Variants in ZHX2 observed in about 807,000 individuals in gnomAD.
ZHX2 encodes the protein zinc fingers and homeoboxes protein 2.
In ZHX2, 6 loss-of-function variants were observed where a neutral mutation model predicts 21.9. The observed-to-expected ratio is 0.27, with a 90% CI of 0.15 to 0.54. ZHX2 has a LOEUF of 0.54. Among genes scored for constraint, ZHX2 ranks in the 20% least tolerant of loss-of-function variants. ZHX2 has a pLI of 0.95. For synonymous variants in ZHX2, 434 were observed against 437.1 expected, an observed-to-expected ratio of 0.99 and a Z score of 0.09; for missense variants, 908 against 1,090.7, an observed-to-expected ratio of 0.83 and a Z score of 2.36.
intron 1 of ZHX2, among the ~76,000 whole-genome samples, chr8:122,824,263 T>G (rs913655584): frequency 6.6e-6 from 1 of 152,170 alleles, no homozygotes; most frequent in African/African-American, 2.4e-5. Flanking sequence ...TACTTATAAG[T>G]TCACCTGTGC....
chr8:122,899,099 G>A (rs771199985), intron 2 of ZHX2, among the ~76,000 whole-genome samples: 1 of 152,130 alleles, frequency 6.6e-6, no homozygotes, highest in Non-Finnish European at 1.5e-5. Flanking sequence ...ATCCCTCCTG[G>A]CCCAAGGCAC....
intron 2 of ZHX2, among the ~76,000 whole-genome samples, chr8:122,884,402 A>G (rs1280119740): frequency 6.6e-6 from 1 of 152,198 alleles, no homozygotes; most frequent in East Asian, 1.9e-4. Context: ...GTCACATTGG[A>G]ACAGATTTTT....
intron 1 of ZHX2, among the ~76,000 whole-genome samples, chr8:122,803,016 C>G (rs1586578495): frequency 7.1e-6 from 1 of 140,982 alleles, no homozygotes; most frequent in Admixed American, 7.2e-5. Context: ...CACGAGATGT[C>G]TTTGGAAATA....
chr8:122,844,366 G>T (rs1234986129), intron 1 of ZHX2, among the ~76,000 whole-genome samples: 1 of 152,238 alleles, frequency 6.6e-6, no homozygotes, highest in Non-Finnish European at 1.5e-5. Context: ...CTAGTCCAGG[G>T]TCCACTTATT....
At chr8:122,951,236 C>G (rs1319113929) in intron 2 of ZHX2, 56 bp from the exon 3 acceptor site, 3 of 386,782 alleles carry the variant, frequency 7.8e-6, no homozygotes, top group Non-Finnish European at 1.4e-5. Context: ...TAAAGAAGTG[C>G]CAGTTTCTTT....
intron 2 of ZHX2, among the ~76,000 whole-genome samples, chr8:122,931,668 C>G (rs768269975): frequency 2.2e-4 from 34 of 152,140 alleles, no homozygotes; most frequent in Non-Finnish European, 4.1e-4. Context: ...CTCACCCCAG[C>G]TGCCCATCAA....
rs760585877 is a variant in ZHX2 at position 122,951,923 on chromosome 8, A to G, written c.413A>G (p.Asn138Ser). 2.5e-6 allele frequency: 4 copies of G among 1,614,098 alleles called. No homozygotes were observed. The highest frequency in any genetic ancestry group is 1.1e-5 in the South Asian group (1 of 91,070). ...HNSKFHPGEA[N>S]FKLKLIKRNN... The stretch of plus-strand genomic sequence containing the variant: ...TCCAAGTTCCATCCCGGGGAGGCCA[A>G]CTTCAAGCTGAAGTTAATTAAACGC... The change falls in exon 3 of 4, where the codon AAC (asparagine) becomes AGC (serine). Residue 138 changes from asparagine to serine, a missense_variant. Transcript: ENST00000314393.
At chr8:122,851,433 C>T (rs1313203803) in intron 1 of ZHX2, among the ~76,000 whole-genome samples, 1 of 151,956 alleles carries the variant, frequency 6.6e-6, no homozygotes, top group Non-Finnish European at 1.5e-5. Context: ...TAAAAGATAC[C>T]CCCTGCAGGA....
At chr8:122,811,150 T>C (rs936091020) in intron 1 of ZHX2, among the ~76,000 whole-genome samples, 1 of 151,854 alleles carries the variant, frequency 6.6e-6, no homozygotes, top group African/African-American at 2.4e-5. Context: ...GAGGCTGAGG[T>C]GGGTGGATTG....
At chr8:122,928,550 A>T (rs1178706042) in intron 2 of ZHX2, among the ~76,000 whole-genome samples, 2 of 152,258 alleles carry the variant, frequency 1.3e-5, no homozygotes, top group Non-Finnish European at 2.9e-5. Flanking sequence ...GATGGGTAAG[A>T]TCAGAGATTT....
rs2130398886 is a variant in ZHX2, at chr8:122,974,027, A to G, written c.*790A>G. 1 of 152,778 alleles carries G rather than the reference A, an allele frequency of 6.5e-6. No individual in the cohort carries two copies. The highest frequency in any genetic ancestry group is 3.4e-3 in the Middle Eastern group (1 of 296). 9.5% of individuals were successfully genotyped at this position (152,778 alleles called of 1,614,324 possible). On this transcript the variant is annotated 3_prime_UTR_variant, in exon 4 of 4. Coordinates refer to ENST00000314393, the MANE Select transcript of ZHX2 (RefSeq NM_014943.5). ...TGGGTAGCAGGTGGCTGACTTCTTTAAGCACCTTTCTAAATACCAGCAGAA... is the reference window on the plus strand; with the variant it reads ...TGGGTAGCAGGTGGCTGACTTCTTTGAGCACCTTTCTAAATACCAGCAGAA...
intron 2 of ZHX2, among the ~76,000 whole-genome samples, chr8:122,941,901 A>C (rs1712115453): frequency 6.6e-6 from 1 of 152,220 alleles, no homozygotes. Context: ...ATTTTTACAA[A>C]GCACTCCAGG....
chr8:122,794,346 C>A (rs1817581039), intron 1 of ZHX2, among the ~76,000 whole-genome samples: 2 of 151,902 alleles, frequency 1.3e-5, no homozygotes, highest in African/African-American at 2.4e-5. Flanking sequence ...CATCTGTCAC[C>A]AATCTCTCCC....
chr8:122,900,169 G>A (rs1355025250), intron 2 of ZHX2, among the ~76,000 whole-genome samples: 1 of 152,160 alleles, frequency 6.6e-6, no homozygotes, highest in Non-Finnish European at 1.5e-5. Flanking sequence ...GAGTATCTGA[G>A]GTTAGGTAAT....
At chr8:122,835,640 C>G (rs1002570897) in intron 1 of ZHX2, among the ~76,000 whole-genome samples, 4 of 151,950 alleles carry the variant, frequency 2.6e-5, no homozygotes, top group Non-Finnish European at 5.9e-5. Context: ...GAGGGGTGGA[C>G]AGCAGTCTGC....
chr8:122,781,075 A>G (rs1292305635), upstream of ZHX2: 1 of 152,152 alleles, frequency 6.6e-6, no homozygotes, highest in South Asian at 2.1e-4. The surrounding 1 kb of genome is among the most constrained non-coding windows in gnomAD (Gnocchi z 4.6). Flanking sequence ...CGCTCAACAT[A>G]GTTTTAAAAT....
At chr8:122,858,540 TC>T (rs746345336) in intron 1 of ZHX2, among the ~76,000 whole-genome samples, 1 of 152,076 alleles carries the variant, frequency 6.6e-6, no homozygotes, top group South Asian at 2.1e-4. Flanking sequence ...GCAAAAGGAG[TC>T]CTGAGCCAGT....
chr8:122,925,026 TAGA>T (rs1465217200), intron 2 of ZHX2, among the ~76,000 whole-genome samples: 1 of 152,184 alleles, frequency 6.6e-6, no homozygotes, highest in Non-Finnish European at 1.5e-5. Context: ...TGTCAGCTGT[TAGA>T]AGAACTCCTA....
intron 3 of ZHX2, among the ~76,000 whole-genome samples, chr8:122,955,839 A>ATTTTTTTTTTCTTTTTTTTTT (rs1813284935): frequency 9.5e-6 from 1 of 104,924 alleles, no homozygotes; most frequent in Non-Finnish European, 1.8e-5. Flanking sequence ...TGAGGGAGTG[A>ATTTTTTTTTTCTTTTTTTTTT]TTTTTTTTTT....
Sources: allele counts gnomAD v4.1 joint callset (sites outside exome capture counted in the v4.1 genomes callset), GRCh38; gene constraint gnomAD v4.1.1; non-coding constraint Gnocchi (gnomAD v3.1); transcripts MANE v1.5; gene names NCBI Gene and HGNC (gene_info 2026-07-23, HGNC 2026-07-21).